The following ATRX variants were observed in gnomAD, a reference collection of about 807,000 sequenced individuals.
ATRX encodes the protein chromatin remodeler ATRX.
In ATRX, 12 loss-of-function variants were observed where a neutral mutation model predicts 172.6. The observed-to-expected ratio is 0.07, with a 90% CI of 0.04 to 0.11. The LOEUF (loss-of-function observed/expected upper bound fraction) is 0.11, where lower values mean the gene tolerates loss of function less well. ATRX is among the 10% of genes least tolerant of loss of function. The pLI is 1.00. For synonymous variants in ATRX, 674 were observed against 594.7 expected, an observed-to-expected ratio of 1.13 and a Z score of -1.94; for missense variants, 1,368 against 1,767.4, an observed-to-expected ratio of 0.77 and a Z score of 4.05.
At chrX:77,570,756 G>A (rs2065381268) in intron 28 of ATRX, among the ~76,000 whole-genome samples, 2 of 111,122 alleles carry the variant, frequency 1.8e-5, no homozygotes, top group Admixed American at 9.6e-5. Context: ...CCCTGTGAAG[G>A]GGATGAAAAG....
intron 2 of ATRX, among the ~76,000 whole-genome samples, chrX:77,714,935 C>T (rs1358592553): frequency 2.7e-5 from 3 of 111,630 alleles, no homozygotes; most frequent in African/African-American, 9.8e-5. Flanking sequence ...AGTTTACCTA[C>T]CTATTTAGCT....
chrX:77,648,481 G>C (rs1177421705), intron 15 of ATRX, among the ~76,000 whole-genome samples: 2 of 110,814 alleles, frequency 1.8e-5, no homozygotes, highest in Non-Finnish European at 3.8e-5. Flanking sequence ...CGTTAAAGAA[G>C]ATCCAAAATC....
At chrX:77,525,375 C>T (rs2063348698) in intron 30 of ATRX, among the ~76,000 whole-genome samples, 1 of 111,216 alleles carries the variant, frequency 9.0e-6, no homozygotes, top group Non-Finnish European at 1.9e-5. Context: ...ACTCCTATGC[C>T]CACCCCCCCA....
At chrX:77,514,409 A>G (rs2062983029) in intron 34 of ATRX, among the ~76,000 whole-genome samples, 1 of 112,038 alleles carries the variant, frequency 8.9e-6, no homozygotes, top group Non-Finnish European at 1.9e-5. Flanking sequence ...ACAAAAAGAC[A>G]CACAGACCAA....
intron 34 of ATRX, among the ~76,000 whole-genome samples, chrX:77,513,550 C>T (rs1602327778): frequency 9.1e-6 from 1 of 110,312 alleles, no homozygotes; most frequent in East Asian, 2.9e-4. Context: ...TCCTGGCCCA[C>T]AAGAACTCCA....
intron 5 of ATRX, among the ~76,000 whole-genome samples, chrX:77,695,082 T>C (rs1302436890): frequency 3.7e-5 from 4 of 107,482 alleles, no homozygotes; most frequent in Non-Finnish European, 5.8e-5. Flanking sequence ...AAAAACTGAA[T>C]TCTCCCTAGA....
chrX:77,585,343 GC>G (rs1170434285), intron 27 of ATRX, among the ~76,000 whole-genome samples: 1 of 108,955 alleles, frequency 9.2e-6, no homozygotes, highest in East Asian at 2.9e-4. Context: ...GGAGGCCAAG[GC>G]AGGCAGATAA....
At chrX:77,669,805 C>T (rs1199376632) in intron 10 of ATRX, among the ~76,000 whole-genome samples, 1 of 110,524 alleles carries the variant, frequency 9.0e-6, no homozygotes, top group Non-Finnish European at 1.9e-5. Flanking sequence ...CTAAAGCAAT[C>T]ATTCTGCCTC....
chrX:77,693,001 C>G (rs1398075992), intron 6 of ATRX, among the ~76,000 whole-genome samples: 1 of 110,400 alleles, frequency 9.1e-6, no homozygotes. Flanking sequence ...ATCCTCCCAC[C>G]TCAGCCTCCA....
chrX:77,653,103 G>A (rs1603090869), intron 14 of ATRX, among the ~76,000 whole-genome samples: 1 of 111,002 alleles, frequency 9.0e-6, no homozygotes, highest in South Asian at 3.8e-4. Context: ...TTGCTAACGG[G>A]AACGTCAAAT....
At chrX:77,704,748 C>T (rs1025886049) in intron 2 of ATRX, among the ~76,000 whole-genome samples, 11 of 112,434 alleles carry the variant, frequency 9.8e-5, no homozygotes, top group Non-Finnish European at 1.9e-4. Context: ...AGCACCCAGG[C>T]TCGGCCCCAA....
chrX:77,603,830 T>C (rs1383226745), intron 22 of ATRX, among the ~76,000 whole-genome samples: 4 of 111,453 alleles, frequency 3.6e-5, no homozygotes, highest in Non-Finnish European at 7.5e-5. Flanking sequence ...TAGAGACACA[T>C]ACTGACAGTC....
At chrX:77,753,271 T>C (rs2075368078) in intron 1 of ATRX, among the ~76,000 whole-genome samples, 1 of 111,836 alleles carries the variant, frequency 8.9e-6, no homozygotes, top group Non-Finnish European at 1.9e-5. Flanking sequence ...GTTTATAATA[T>C]TATCTGATGG....
At chrX:77,594,420 A>T (rs976506068) in intron 25 of ATRX, 8 of 112,407 alleles carry the variant, frequency 7.1e-5, no homozygotes, top group African/African-American at 2.3e-4. Flanking sequence ...ACAAACTTTG[A>T]CTATGAAAGG....
At chrX:77,570,625 T>C (rs1340987722) in intron 28 of ATRX, among the ~76,000 whole-genome samples, 1 of 111,774 alleles carries the variant, frequency 8.9e-6, no homozygotes, top group Non-Finnish European at 1.9e-5. Context: ...GACAAAGTCT[T>C]CAAGACCTAG....
intron 1 of ATRX, among the ~76,000 whole-genome samples, chrX:77,753,933 T>C (rs1290069184): frequency 4.5e-5 from 5 of 111,899 alleles, no homozygotes; most frequent in Non-Finnish European, 7.5e-5. Flanking sequence ...ATATTGACAG[T>C]GTGGTGTTAA....
intron 1 of ATRX, among the ~76,000 whole-genome samples, chrX:77,776,975 CT>C (rs370381121): frequency 6.9e-4 from 76 of 110,255 alleles, no homozygotes; most frequent in African/African-American, 1.3e-3. Flanking sequence ...GCTTTGTGGG[CT>C]ACTAGGTCTC....
intron 17 of ATRX, chrX:77,634,380 C>T: frequency 2.7e-6 from 1 of 364,021 alleles, no homozygotes. Flanking sequence ...AACTCAATAT[C>T]CTCCCTTAAC....
At chrX:77,610,751 CTATGT>C (rs1286120205) in intron 22 of ATRX, among the ~76,000 whole-genome samples, 7 of 108,406 alleles carry the variant, frequency 6.5e-5, no homozygotes, top group Non-Finnish European at 3.8e-5. Context: ...ACACAATATT[CTATGT>C]TATAATATTT....
Sources: gnomAD v4.1 joint callset for allele counts (sites outside exome capture counted in the v4.1 genomes callset) on GRCh38, gnomAD v4.1.1 for gene constraint, MANE v1.5 for transcripts, NCBI Gene and HGNC (gene_info 2026-07-23, HGNC 2026-07-21) for gene names.